The following OR1B1 variants were observed in gnomAD, a reference collection of about 807,000 sequenced individuals.
The protein encoded by OR1B1 is olfactory receptor 1B1.
For synonymous variants in OR1B1, 168 were observed against 156.2 expected, an observed-to-expected ratio of 1.08 and a Z score of -0.57; for missense variants, 414 against 402.1, an observed-to-expected ratio of 1.03 and a Z score of -0.25.
At chr9:122,629,851 C>A (rs916809618), upstream of OR1B1, among the ~76,000 whole-genome samples, 2 of 152,160 alleles carry the variant, frequency 1.3e-5, no homozygotes, top group Non-Finnish European at 2.9e-5. Flanking sequence ...CCAACTATTT[C>A]TTATCTTTTT....
chr9:122,630,158 C>A (rs979509225), upstream of OR1B1, among the ~76,000 whole-genome samples: 1 of 152,018 alleles, frequency 6.6e-6, no homozygotes, highest in African/African-American at 2.4e-5. Flanking sequence ...GAAAAGCCAC[C>A]CAAATTGGAA....
chr9:122,635,244 G>A, the OR1B1 span, among the ~76,000 whole-genome samples: 1 of 152,164 alleles, frequency 6.6e-6, no homozygotes, highest in Non-Finnish European at 1.5e-5. Flanking sequence ...AGGATATTAT[G>A]TTAAGTGAGA....
chr9:122,628,802 G>A (rs768822705), exon 1 of OR1B1: 21 of 1,614,030 alleles, frequency 1.3e-5, no homozygotes, highest in South Asian at 3.3e-5. Context: ...TCCACAGGTG[G>A]AGACTGCTCG....
At chr9:122,643,432 AG>A in the OR1B1 span, among the ~76,000 whole-genome samples, 2 of 152,198 alleles carry the variant, frequency 1.3e-5, no homozygotes, top group African/African-American at 4.8e-5. Flanking sequence ...CACTCGCTGG[AG>A]GGGAATCACT....
At chr9:122,632,627 C>G (rs1358315277), upstream of OR1B1, among the ~76,000 whole-genome samples, 1 of 152,160 alleles carries the variant, frequency 6.6e-6, no homozygotes, top group Non-Finnish European at 1.5e-5. Context: ...TTTCCCTTTG[C>G]ATCCTCATAG....
At chr9:122,628,941 G>A in exon 1 of OR1B1, 2 of 1,614,108 alleles carry the variant, frequency 1.2e-6, no homozygotes, top group South Asian at 2.2e-5. Flanking sequence ...TCATTAGAAT[G>A]TATGTCAGAA....
the OR1B1 span, among the ~76,000 whole-genome samples, chr9:122,639,299 A>G: frequency 6.6e-6 from 1 of 152,322 alleles, no homozygotes; most frequent in East Asian, 1.9e-4. Context: ...TAAATGTATT[A>G]AAGGATAACA....
chr9:122,632,021 G>A (rs1351235631), upstream of OR1B1, among the ~76,000 whole-genome samples: 1 of 152,166 alleles, frequency 6.6e-6, no homozygotes, highest in East Asian at 1.9e-4. Context: ...TAAAAGCATT[G>A]GAGTACCTTT....
exon 1 of OR1B1, chr9:122,629,257 G>C: frequency 6.2e-7 from 1 of 1,614,124 alleles, no homozygotes; most frequent in Non-Finnish European, 8.5e-7. Context: ...CAGCAGGAAT[G>C]GTTGGGTAAT....
chr9:122,649,673 GA>G, the OR1B1 span, among the ~76,000 whole-genome samples: 1 of 152,196 alleles, frequency 6.6e-6, no homozygotes, highest in African/African-American at 2.4e-5. Context: ...GGTCATTAGA[GA>G]AATGCAAATC....
the OR1B1 span, among the ~76,000 whole-genome samples, chr9:122,634,965 T>C: frequency 2.6e-5 from 4 of 152,104 alleles, no homozygotes; most frequent in Admixed American, 2.6e-4. Flanking sequence ...TGGAAAACAG[T>C]ACAGAGGGTC....
the OR1B1 span, among the ~76,000 whole-genome samples, chr9:122,642,884 G>A: frequency 2.0e-5 from 3 of 152,256 alleles, no homozygotes; most frequent in African/African-American, 7.2e-5. Context: ...CTGACCTCTA[G>A]TCTACTTACA....
At chr9:122,644,184 T>G in the OR1B1 span, among the ~76,000 whole-genome samples, 1 of 152,212 alleles carries the variant, frequency 6.6e-6, no homozygotes, top group South Asian at 2.1e-4. Context: ...GCCTAGGTTC[T>G]TGGATAACAT....
the OR1B1 span, among the ~76,000 whole-genome samples, chr9:122,649,648 A>C: frequency 6.6e-6 from 1 of 152,220 alleles, no homozygotes. Flanking sequence ...ATTTGGAAAA[A>C]AGCTCATCAT....
chr9:122,631,873 G>A (rs1197307575), upstream of OR1B1, among the ~76,000 whole-genome samples: 1 of 152,112 alleles, frequency 6.6e-6, no homozygotes. Flanking sequence ...TGGACTACAT[G>A]GAAGGAAAAG....
the OR1B1 span, among the ~76,000 whole-genome samples, chr9:122,634,750 A>G: frequency 6.6e-6 from 1 of 152,192 alleles, no homozygotes; most frequent in South Asian, 2.1e-4. Flanking sequence ...AAGATATACA[A>G]ATGGCCATAG....
chr9:122,642,612 C>T, the OR1B1 span, among the ~76,000 whole-genome samples: 3 of 152,138 alleles, frequency 2.0e-5, no homozygotes, highest in African/African-American at 4.8e-5. Flanking sequence ...TTAAGTACCA[C>T]GAGTCTCTGC....
At chr9:122,655,849 A>G in the OR1B1 span, among the ~76,000 whole-genome samples, 3 of 152,130 alleles carry the variant, frequency 2.0e-5, no homozygotes, top group African/African-American at 7.2e-5. Context: ...ATTAAAAAAA[A>G]AAAAAAGTCC....
upstream of OR1B1, among the ~76,000 whole-genome samples, chr9:122,630,963 C>T (rs1830197776): frequency 6.6e-6 from 1 of 152,156 alleles, no homozygotes; most frequent in Non-Finnish European, 1.5e-5. Context: ...ATCTCGGCCT[C>T]CCAAAGTGCT....
Sources: allele counts gnomAD v4.1 joint callset (sites outside exome capture counted in the v4.1 genomes callset), GRCh38; gene constraint gnomAD v4.1.1; transcripts MANE v1.5; gene names NCBI Gene and HGNC (gene_info 2026-07-23, HGNC 2026-07-21).